ITGB2: variants seen among roughly 807,000 people sequenced by gnomAD.
The protein encoded by ITGB2 is integrin subunit beta 2.
ITGB2 carries 56 observed loss-of-function variants against 86.8 expected under a neutral mutation model. The ratio of observed to expected loss-of-function variants is 0.65; its 90% CI spans 0.52 to 0.81. The LOEUF (loss-of-function observed/expected upper bound fraction) is 0.81, where lower values mean the gene tolerates loss of function less well. Among genes scored for constraint, ITGB2 ranks in the 30% least tolerant of loss-of-function variants. The pLI, the probability that ITGB2 is intolerant of heterozygous loss-of-function variation, is 0.00. For synonymous variants in ITGB2, 457 were observed against 450.4 expected (o/e 1.01, Z -0.19); for missense variants, 948 against 1,061.2 (o/e 0.89, Z 1.48).
intron 1 of ITGB2, among the ~76,000 whole-genome samples, chr21:44,911,622 G>A (rs776124954): frequency 1.3e-5 from 2 of 152,218 alleles, no homozygotes; most frequent in African/African-American, 4.8e-5. Flanking sequence ...GGGAAAAAAA[G>A]TCACCTGACT....
rs684 is a variant in ITGB2, at chr21:44,886,246, C to T, written c.*122G>A. 204,881 of 1,002,834 alleles carry T rather than the reference C, an allele frequency of 0.2. 22,181 individuals are homozygous for T. Among genetic ancestry groups the T allele is most frequent in the Middle Eastern group, 0.3 (1,036 of 3,438 alleles). 62.1% of individuals were successfully genotyped at this position (1,002,834 alleles called of 1,614,324 possible). On this transcript the variant is annotated 3_prime_UTR_variant, in exon 16 of 16. Transcript: ENST00000652462. ...CCGGCCATGGCTGTCATTTTGAGGG[C>T]GGAAAATAACTGGATTTCTGGTTAA...
At chr21:44,893,248 C>G (rs1359566829) in intron 10 of ITGB2, 156 bp downstream of exon 10, 1 of 830,050 alleles carries the variant, frequency 1.2e-6, no homozygotes, top group Non-Finnish European at 2.0e-6. Flanking sequence ...CTGTGTGCCC[C>G]TCCCTGCCCC....
At chr21:44,910,571 C>A in intron 2 of ITGB2, 154 bp downstream of exon 2, 1 of 1,378,596 alleles carries the variant, frequency 7.3e-7, no homozygotes, top group Non-Finnish European at 1.0e-6. Context: ...CTGGCACGTG[C>A]GGAGACGAGG....
intron 11 of ITGB2, among the ~76,000 whole-genome samples, chr21:44,890,965 C>T (rs2083778119): frequency 6.6e-6 from 1 of 151,992 alleles, no homozygotes; most frequent in Non-Finnish European, 1.5e-5. Context: ...ACCACCAAGA[C>T]CACAGAGACC....
At chr21:44,898,319 A>T (rs1282914899) in intron 8 of ITGB2, among the ~76,000 whole-genome samples, 10 of 152,154 alleles carry the variant, frequency 6.6e-5, no homozygotes, top group African/African-American at 2.2e-4. Context: ...GGACACTGGG[A>T]GCTGGTGCCT....
At chr21:44,889,143 C>T in intron 13 of ITGB2, 133 bp downstream of exon 13, 1 of 873,122 alleles carries the variant, frequency 1.1e-6, no homozygotes. Flanking sequence ...GAGGGCCCCT[C>T]AGTCCAGACG....
At chr21:44,923,005 G>A (rs962732348), upstream of ITGB2, 2 of 152,320 alleles carry the variant, frequency 1.3e-5, no homozygotes, top group East Asian at 1.9e-4. Context: ...CCCTCGCTGC[G>A]AACGTCACGG....
chr21:44,889,844 T>C (rs2083759505), intron 12 of ITGB2, 134 bp downstream of exon 12: 1 of 1,323,712 alleles, frequency 7.6e-7, no homozygotes, highest in Admixed American at 1.7e-5. Context: ...GCCCGGTGGC[T>C]GGGCGAGACT....
At chr21:44,914,924 C>G (rs1295808578) in intron 1 of ITGB2, among the ~76,000 whole-genome samples, 1 of 142,782 alleles carries the variant, frequency 7.0e-6, no homozygotes, top group Non-Finnish European at 1.6e-5. Flanking sequence ...CAGAACGAGG[C>G]CCTGTCTCAA....
At chr21:44,916,460 C>T (rs75970109) in intron 1 of ITGB2, among the ~76,000 whole-genome samples, 52 of 152,258 alleles carry the variant, frequency 3.4e-4, no homozygotes, top group African/African-American at 1.3e-3. Context: ...CCCGGACACT[C>T]TTGCTGTGGA....
rs779705397 is a variant in ITGB2, at chr21:44,893,421, C to T, written c.1207G>A (p.Val403Met). 36 of 1,614,020 alleles carry T rather than the reference C, an allele frequency of 2.2e-5. No individual in the cohort carries two copies. Among genetic ancestry groups the T allele is most frequent in the Non-Finnish European group, 2.9e-5 (34 of 1,179,970 alleles). ...RNQPRGDCDG[V>M]QINVPITFQV... is the part of the protein sequence containing the mutation. ...AGGCTCACCGGGACATTGATCTGCA[C>T]GCCATCACAGTCACCTCTGGGCTGG... Residue 403 changes from valine to methionine, a missense_variant, in exon 10 of 16, where the codon GTG becomes ATG. Physicochemically the swap from Val to Met is conservative, Grantham distance 21. Transcript: ENST00000652462.
At position 44,886,772 on chromosome 21, in the gene ITGB2, G is replaced by A. The variant is rs372176947; in HGVS notation, c.2211C>T (p.Arg737=). 1.2e-6 allele frequency: 2 copies of A among 1,614,094 alleles called. No homozygotes were observed. Among genetic ancestry groups the A allele is most frequent in the Non-Finnish European group, 8.5e-7 (1 of 1,180,030 alleles). Residue 737 remains arginine (R), a synonymous_variant, in exon 15 of 16, where the codon CGC becomes CGT. Transcript: ENST00000652462. ...GGGACTTGAGCTTCTCCTTCTCAAA[G>A]CGCCTGTACTCCCGGAGGTCGCTCA... is the stretch of plus-strand genomic sequence containing the variant. ...IHLSDLREYR[R]FEKEKLKSQW... is the part of the protein sequence containing the mutation.
chr21:44,909,989 A>C (rs1024692944), intron 3 of ITGB2, among the ~76,000 whole-genome samples: 1 of 152,158 alleles, frequency 6.6e-6, no homozygotes. Context: ...GTAAGTGAAA[A>C]CCTTGTTCTT....
Position 44,901,754 on chromosome 21 carries a change from C to T in ITGB2, c.500-21G>A, listed in dbSNP as rs576561314. On this transcript the variant is annotated intron_variant, in intron 5 of 15. Coordinates refer to ENST00000652462, the MANE Select transcript of ITGB2 (RefSeq NM_000211.5). The stretch of plus-strand genomic sequence containing the variant: ...GAAGCCTGCAGGGCACATGGAGGGG[C>T]TGGGGAGGTGGCAGGCTGGGCCCAG... 16 of 1,598,254 alleles carry T rather than the reference C, an allele frequency of 1.0e-5. No homozygotes were observed. The South Asian group carries it at 1.1e-4, about 11-fold the overall frequency.
intron 6 of ITGB2, 82 bp from the exon 7 acceptor site, chr21:44,900,557 G>A: frequency 7.7e-6 from 12 of 1,559,762 alleles, no homozygotes; most frequent in Admixed American, 1.7e-5. Flanking sequence ...ACGATGCAGA[G>A]CTGGTGGGGT....
rs1370342838 is a variant in ITGB2, at chr21:44,910,400, G to T, written c.59-28C>A. 2.5e-6 allele frequency: 4 copies of T among 1,613,784 alleles called. No individual in the cohort carries two copies. In the South Asian group the frequency reaches 4.4e-5, roughly 18 times the overall value. ...GAGGGACGAGGCCGGCTGGTGAGTG[G>T]GTGCTCTGGGCCGCCCTGCCCACAC... is the stretch of plus-strand genomic sequence containing the variant. On this transcript the variant is annotated intron_variant, in intron 2 of 15. Coordinates refer to ENST00000652462, the MANE Select transcript of ITGB2 (RefSeq NM_000211.5).
intron 1 of ITGB2, among the ~76,000 whole-genome samples, chr21:44,913,945 T>C (rs926208430): frequency 1.2e-4 from 19 of 152,082 alleles, no homozygotes; most frequent in African/African-American, 4.6e-4. Context: ...GCCCTGAGGC[T>C]AAGCCGGCAG....
At chr21:44,915,420 C>T (rs886104242) in intron 1 of ITGB2, among the ~76,000 whole-genome samples, 2 of 152,182 alleles carry the variant, frequency 1.3e-5, no homozygotes, top group African/African-American at 2.4e-5. Context: ...ATCAGAGCTT[C>T]CTCCTGCCTG....
chr21:44,916,795 G>T (rs1438535452), intron 1 of ITGB2, among the ~76,000 whole-genome samples: 1 of 151,696 alleles, frequency 6.6e-6, no homozygotes, highest in Non-Finnish European at 1.5e-5. Flanking sequence ...TTGAGCCCGG[G>T]AGGCAGAGGG....
Sources: allele counts gnomAD v4.1 joint callset (sites outside exome capture counted in the v4.1 genomes callset), GRCh38; gene constraint gnomAD v4.1.1; transcripts MANE v1.5; gene names NCBI Gene and HGNC (gene_info 2026-07-23, HGNC 2026-07-21).